The following STMP1 variants were observed in gnomAD, a reference collection of about 807,000 sequenced individuals.
STMP1 encodes the protein mitolamban.
Under a neutral mutation model 7.0 loss-of-function variants are expected in STMP1, and 7 were observed. That is an observed-to-expected ratio of 1.01 (90% CI 0.57 to 1.89). STMP1 has a LOEUF of 1.89. Ranked by LOEUF, STMP1 falls within the 40% of genes most tolerant of loss-of-function variation. The probability of loss-of-function intolerance (pLI) is 0.00; values close to 1 mark genes in which losing one functional copy is unlikely to be tolerated. For synonymous variants in STMP1, 19 were observed against 18.4 expected (o/e 1.03, Z -0.08); for missense variants, 45 against 53.0 (o/e 0.85, Z 0.47).
In STMP1 at chr7:135,662,529, C is replaced by G. The variant is rs1000530772; in HGVS notation, c.-51C>G. The G allele has an allele frequency of 2.0e-6, 3 of 1,536,440 alleles. No homozygotes were observed. Among genetic ancestry groups the G allele is most frequent in the South Asian group, 1.2e-5 (1 of 83,182 alleles). On this transcript the variant is annotated 5_prime_UTR_variant, in exon 1 of 3. Coordinates refer to ENST00000507606, the MANE Select transcript of STMP1 (RefSeq NM_001130929.2). ...ATGGGGAGGTAGGCTCGGACCGGCC[C>G]GCGGAGCTGCTGCAGTCCTTCGCGC...
Position 135,674,242 on chromosome 7 carries a change from GC to G in STMP1, c.*78del, listed in dbSNP as rs1489957563. ...GCCTCGTTTACTATCTGAACCAAAA[GC>G]TTTTGTTTTCGTCTCCAGCCTCAGC... On this transcript the variant is annotated 3_prime_UTR_variant, in exon 3 of 3. Coordinates refer to ENST00000507606, the MANE Select transcript of STMP1 (RefSeq NM_001130929.2). The G allele has an allele frequency of 2.6e-6, 3 of 1,173,682 alleles. No homozygotes were observed. The highest frequency in any genetic ancestry group is 5.3e-5 in the East Asian group (2 of 38,070). 72.7% of individuals were successfully genotyped at this position (1,173,682 alleles called of 1,614,324 possible). A position where few individuals can be genotyped will look rare whatever the true frequency, so the allele number is the denominator to read the frequency against.
intron 1 of STMP1, among the ~76,000 whole-genome samples, chr7:135,670,035 T>C (rs1055711474): frequency 9.2e-5 from 14 of 152,206 alleles, no homozygotes; most frequent in South Asian, 2.1e-4. Flanking sequence ...TTGGGGCTCT[T>C]AGCTCCAGTA....
chr7:135,669,824 A>G (rs1435204009), intron 1 of STMP1, among the ~76,000 whole-genome samples: 1 of 152,272 alleles, frequency 6.6e-6, no homozygotes, highest in Non-Finnish European at 1.5e-5. Context: ...AATGACATAA[A>G]TAGGCTCCTG....
In STMP1 at chr7:135,665,551, G is replaced by A. The variant is rs554655487; in HGVS notation, c.15+2957G>A. 4.2e-3 allele frequency: 634 copies of A among 150,968 alleles called. 9 individuals are homozygous for A. Among genetic ancestry groups the A allele is most frequent in the South Asian group, 0.016 (77 of 4,784 alleles). 9.4% of individuals were successfully genotyped at this position (150,968 alleles called of 1,614,324 possible). On this transcript the variant is annotated intron_variant, in intron 1 of 2. Coordinates refer to ENST00000507606, the MANE Select transcript of STMP1 (RefSeq NM_001130929.2). ...AATCCTCCCACCTCAGTCTCTCAAA[G>A]TGTTGGATTATGGGCTTGAGCCACT...
At chr7:135,662,676 C>CGCCGACCCG (rs1795246616) in intron 1 of STMP1, 82 bp downstream of exon 1, 4 of 1,480,262 alleles carry the variant, frequency 2.7e-6, no homozygotes, top group African/African-American at 1.4e-5. Flanking sequence ...TTGCCGACCC[C>CGCCGACCCG]GCCGACCCGG....
At chr7:135,670,398 C>T (rs1795345448) in intron 1 of STMP1, among the ~76,000 whole-genome samples, 1 of 152,118 alleles carries the variant, frequency 6.6e-6, no homozygotes, top group Non-Finnish European at 1.5e-5. Flanking sequence ...TCTTGGCCTG[C>T]AAGGAGGTTT....
intron 1 of STMP1, among the ~76,000 whole-genome samples, chr7:135,665,092 T>A (rs551772846): frequency 2.0e-5 from 3 of 152,302 alleles, no homozygotes; most frequent in African/African-American, 7.2e-5. Context: ...CAACAAGGAT[T>A]CAGATAGTGT....
intron 1 of STMP1, among the ~76,000 whole-genome samples, chr7:135,668,944 T>A (rs1241177565): frequency 6.6e-6 from 1 of 152,196 alleles, no homozygotes; most frequent in Non-Finnish European, 1.5e-5. Context: ...ACTGGGTAAT[T>A]TACATGGGAA....
chr7:135,662,636 G>C, intron 1 of STMP1, 42 bp downstream of exon 1: 1 of 1,540,690 alleles, frequency 6.5e-7, no homozygotes, highest in Non-Finnish European at 8.8e-7. Flanking sequence ...TGCCTGGGGC[G>C]TGCCTCGGAC....
In STMP1 at chr7:135,676,389, T is replaced by C. The variant is rs940660298; in HGVS notation, c.*2224T>C. 6.6e-6 allele frequency: 1 copy of C among 152,242 alleles called. No homozygotes were observed. Among genetic ancestry groups the C allele is most frequent in the Non-Finnish European group, 1.5e-5 (1 of 68,042 alleles). The allele number at this position is 152,242 out of a possible 1,614,324, so 9.4% of individuals were successfully genotyped here. ...ATGTTTCACAGTGCTTTGCAGACTA[T>C]CTAATAAATAGTAGCTATTAGTACA... is the stretch of plus-strand genomic sequence containing the variant. On this transcript the variant is annotated 3_prime_UTR_variant, in exon 3 of 3. Transcript: ENST00000507606.
chr7:135,667,624 T>C (rs1462945438), intron 1 of STMP1, among the ~76,000 whole-genome samples: 1 of 152,266 alleles, frequency 6.6e-6, no homozygotes, highest in African/African-American at 2.4e-5. Context: ...TTTTATCTCA[T>C]TCTGTGTGTT....
rs1406110916 is a variant in STMP1, at chr7:135,675,850, G to A, written c.*1685G>A. 4.0e-5 allele frequency: 6 copies of A among 150,994 alleles called. No homozygotes were observed. Among genetic ancestry groups the A allele is most frequent in the South Asian group, 2.1e-4 (1 of 4,770 alleles). The allele number at this position is 150,994 out of a possible 1,614,324, so 9.4% of individuals were successfully genotyped here. ...AGTAAGTTTTATTCCTGTCAATGTTGTCTTTGTGTGTGACAGATTAGGATT... is the reference window on the plus strand; with the variant it reads ...AGTAAGTTTTATTCCTGTCAATGTTATCTTTGTGTGTGACAGATTAGGATT... On this transcript the variant is annotated 3_prime_UTR_variant, in exon 3 of 3. Coordinates refer to ENST00000507606, the MANE Select transcript of STMP1 (RefSeq NM_001130929.2).
chr7:135,670,192 C>G (rs1205966390), intron 1 of STMP1, among the ~76,000 whole-genome samples: 1 of 152,202 alleles, frequency 6.6e-6, no homozygotes. Flanking sequence ...AAAATTATTA[C>G]AGAGAGGGTG....
At chr7:135,662,749 C>T (rs553105268) in intron 1 of STMP1, among the ~76,000 whole-genome samples, 155 bp downstream of exon 1, 1 of 152,348 alleles carries the variant, frequency 6.6e-6, no homozygotes, top group Admixed American at 6.5e-5. Flanking sequence ...GCAGGGCGGC[C>T]GTTTTCTTCC....
At position 135,674,146 on chromosome 7, in the gene STMP1, AG is replaced by A; in HGVS notation, c.126del (p.Lys43AsnfsTer17). On this transcript the variant is annotated frameshift_variant, in exon 3 of 3. Coordinates refer to ENST00000507606, the MANE Select transcript of STMP1 (RefSeq NM_001130929.2). LOFTEE classifies it high-confidence loss of function. Reference protein sequence around the residue: ...EEIKKDLDAKKKPPSA With the variant: ...EEIKKDLDAKXKPPSA Reference sequence around the variant, plus strand: ...ATTAAAAAGGACTTGGATGCCAAGAAGAAACCCCCTAGTGCATGAGACTGCC... The same window carrying A: ...ATTAAAAAGGACTTGGATGCCAAGAAAAACCCCCTAGTGCATGAGACTGCC... The A allele has an allele frequency of 6.4e-7, 1 of 1,550,894 alleles. No homozygotes were observed. Among genetic ancestry groups the A allele is most frequent in the Non-Finnish European group, 8.7e-7 (1 of 1,146,848 alleles).
In STMP1 at chr7:135,668,587, A is replaced by G. The variant is rs901924826; in HGVS notation, c.16-4166A>G. Among the ~76,000 whole-genome samples, 3 of 152,310 alleles carry G rather than the reference A, an allele frequency of 2.0e-5. No individual in the cohort carries two copies. In the South Asian group the frequency reaches 6.2e-4, roughly 32 times the overall value. ...CCGGCTAGTTTTGCATTTTGTTGGTAGAGATGTAGTTTCACCATGATGCCC... is the reference window on the plus strand; with the variant it reads ...CCGGCTAGTTTTGCATTTTGTTGGTGGAGATGTAGTTTCACCATGATGCCC... On this transcript the variant is annotated intron_variant, in intron 1 of 2. Transcript: ENST00000507606.
chr7:135,663,355 A>AT (rs1212113574), intron 1 of STMP1, among the ~76,000 whole-genome samples: 4 of 150,996 alleles, frequency 2.6e-5, no homozygotes, highest in Admixed American at 6.6e-5. Flanking sequence ...TTTATTTTTT[A>AT]TTTTTTTTGA....
rs1457416228 is a variant in STMP1 at position 135,676,304 on chromosome 7, G to A, written c.*2139G>A. 2 of 152,164 alleles carry A rather than the reference G, an allele frequency of 1.3e-5. No homozygotes were observed. The highest frequency in any genetic ancestry group is 6.5e-5 in the Admixed American group (1 of 15,280). The allele number at this position is 152,164 out of a possible 1,614,324, so 9.4% of individuals were successfully genotyped here. A position where few individuals can be genotyped will look rare whatever the true frequency, so the allele number is the denominator to read the frequency against. On this transcript the variant is annotated 3_prime_UTR_variant, in exon 3 of 3. Transcript: ENST00000507606. ...AGAAACTCTTGCATTATCTGTAGAC[G>A]TGGACGTAAATATCCACCTCATAGG...
Position 135,676,318 on chromosome 7 carries a change from C to G in STMP1, c.*2153C>G, listed in dbSNP as rs1795414916. ...TATCTGTAGACGTGGACGTAAATAT[C>G]CACCTCATAGGGTTTTCATAAAAAA... On this transcript the variant is annotated 3_prime_UTR_variant, in exon 3 of 3. Coordinates refer to ENST00000507606, the MANE Select transcript of STMP1 (RefSeq NM_001130929.2). 1.3e-5 allele frequency: 2 copies of G among 152,186 alleles called. No individual in the cohort carries two copies. The highest frequency in any genetic ancestry group is 1.5e-5 in the Non-Finnish European group (1 of 68,026). The allele number at this position is 152,186 out of a possible 1,614,324, so 9.4% of individuals were successfully genotyped here.
Sources: gnomAD v4.1 joint callset for allele counts (sites outside exome capture counted in the v4.1 genomes callset) on GRCh38, gnomAD v4.1.1 for gene constraint, MANE v1.5 for transcripts, NCBI Gene and HGNC (gene_info 2026-07-23, HGNC 2026-07-21) for gene names.